MYOC: variants seen among roughly 807,000 people sequenced by gnomAD.
MYOC encodes myocilin.
A neutral mutation model predicts 28.2 loss-of-function variants in MYOC; 29 were observed. The observed-to-expected ratio is 1.03, with a 90% CI of 0.77 to 1.40. The LOEUF (loss-of-function observed/expected upper bound fraction) is 1.40, where lower values mean the gene tolerates loss of function less well. Among genes scored for constraint, MYOC ranks in the 40% most tolerant of loss-of-function variants. MYOC has a pLI of 0.00. For synonymous variants in MYOC, 240 were observed against 245.6 expected (o/e 0.98, Z 0.21); for missense variants, 569 against 620.6 (o/e 0.92, Z 0.88).
Position 171,635,982 on chromosome 1 carries a change from G to A in MYOC, c.1458C>T (p.Leu486=). 1 of 1,614,178 alleles carries A rather than the reference G, an allele frequency of 6.2e-7. No individual in the cohort carries two copies. Among genetic ancestry groups the A allele is most frequent in the Non-Finnish European group, 8.5e-7 (1 of 1,180,026 alleles). ...CCATGTTCAAGTTGTCCCAGGCAAA[G>A]AGCTTCTTCTCCAGGGGGTTGTAGT... ...MIDYNPLEKK[L]FAWDNLNMVT... The change falls in exon 3 of 3, where the codon CTC becomes CTT. Residue 486 remains leucine (L), a synonymous_variant. Transcript: ENST00000037502.
intron 1 of MYOC, 188 bp from the exon 2 acceptor site, chr1:171,638,910 A>G: frequency 1.9e-6 from 1 of 527,270 alleles, no homozygotes; most frequent in Non-Finnish European, 3.4e-6. Context: ...CCTGGCCAAC[A>G]TGGTGAAACC....
At chr1:171,644,298 C>T (rs938882678) in intron 1 of MYOC, among the ~76,000 whole-genome samples, 1 of 150,674 alleles carries the variant, frequency 6.6e-6, no homozygotes, top group African/African-American at 2.4e-5. Flanking sequence ...ATATTAAATT[C>T]AGGCGAGCCA....
Position 171,635,820 on chromosome 1 carries a change from G to C in MYOC, c.*105C>G, listed in dbSNP as rs1652904122. 38 of 1,246,324 alleles carry C rather than the reference G, an allele frequency of 3.0e-5. No homozygotes were observed. In the South Asian group the frequency reaches 4.6e-4, roughly 15 times the overall value. The allele number at this position is 1,246,324 out of a possible 1,614,324, so 77.2% of individuals were successfully genotyped here. ...TGGATTAATGAAAACTTGGAAAGCA[G>C]TCAAAGCTGCCTGGGCCCTGGCTGG... On this transcript the variant is annotated 3_prime_UTR_variant, in exon 3 of 3. Transcript: ENST00000037502.
intron 1 of MYOC, among the ~76,000 whole-genome samples, chr1:171,642,197 C>T (rs1271870717): frequency 6.6e-6 from 1 of 152,234 alleles, no homozygotes; most frequent in Non-Finnish European, 1.5e-5. Flanking sequence ...CTCTCCTCTC[C>T]ACCCCTGCCT....
intron 2 of MYOC, among the ~76,000 whole-genome samples, chr1:171,637,845 T>G (rs907985148): frequency 6.6e-6 from 1 of 152,124 alleles, no homozygotes; most frequent in African/African-American, 2.4e-5. Context: ...ACTCCTGACC[T>G]CAAGTGATCC....
At position 171,650,163 on chromosome 1, in the gene MYOC, G is replaced by GA. The variant is rs911489614; in HGVS notation, c.604+1844dup. 3.0e-3 allele frequency among the ~76,000 whole-genome samples: 445 copies of GA among 149,686 alleles called. 2 individuals carry two copies. Among genetic ancestry groups the GA allele is most frequent in the South Asian group, 0.012 (58 of 4,754 alleles). On this transcript the variant is annotated intron_variant, in intron 1 of 2. Coordinates refer to ENST00000037502, the MANE Select transcript of MYOC (RefSeq NM_000261.2). ...AAAGACTTGTTAAATGACCACAAAA[G>GA]AAAAAAAAAGGCAAAACATTGCCAC...
chr1:171,637,959 T>C (rs912055150), intron 2 of MYOC, among the ~76,000 whole-genome samples: 1 of 152,156 alleles, frequency 6.6e-6, no homozygotes, highest in African/African-American at 2.4e-5. Flanking sequence ...TCATAGAAGG[T>C]AGAAACACTT....
chr1:171,643,410 C>T (rs1344610935), intron 1 of MYOC: 4 of 152,370 alleles, frequency 2.6e-5, no homozygotes, highest in Admixed American at 2.0e-4. Flanking sequence ...TGCTGCCTCG[C>T]CGATTGCCAT....
intron 1 of MYOC, among the ~76,000 whole-genome samples, chr1:171,650,317 T>G (rs1325472867): frequency 6.6e-6 from 1 of 152,208 alleles, no homozygotes; most frequent in Non-Finnish European, 1.5e-5. Context: ...GTAATGATGA[T>G]TCTTTCAATT....
At chr1:171,642,589 G>A (rs766090591) in intron 1 of MYOC, among the ~76,000 whole-genome samples, 3 of 150,406 alleles carry the variant, frequency 2.0e-5, no homozygotes, top group African/African-American at 4.9e-5. Flanking sequence ...ACTCCAGTCT[G>A]GGTGACAGAG....
intron 1 of MYOC, among the ~76,000 whole-genome samples, chr1:171,639,166 G>A (rs905255504): frequency 1.3e-5 from 2 of 152,176 alleles, no homozygotes; most frequent in Non-Finnish European, 2.9e-5. Flanking sequence ...GATAAGGACT[G>A]GGGATGGGTT....
At position 171,651,994 on chromosome 1, in the gene MYOC, C is replaced by T. The variant is rs546124900; in HGVS notation, c.604+14G>A. On this transcript the variant is annotated intron_variant, in intron 1 of 2. Transcript: ENST00000037502. Reference sequence around the variant, plus strand: ...ACCTGCTGAACTCAGAGTCCCCCCACTCTGCATTCTTACCTTCTCTGGAGC... The same window carrying T: ...ACCTGCTGAACTCAGAGTCCCCCCATTCTGCATTCTTACCTTCTCTGGAGC... The T allele has an allele frequency of 1.4e-5, 22 of 1,614,226 alleles. No homozygotes were observed. In the African/African-American group the frequency reaches 2.8e-4, roughly 21 times the overall value.
chr1:171,648,088 C>T (rs1001338257), intron 1 of MYOC, among the ~76,000 whole-genome samples: 9 of 151,568 alleles, frequency 5.9e-5, no homozygotes, highest in Admixed American at 4.6e-4. Context: ...ACTCGGGAGG[C>T]TGAGGCAGGA....
At position 171,638,675 on chromosome 1, in the gene MYOC, C is replaced by T. The variant is rs200547613; in HGVS notation, c.652G>A (p.Glu218Lys). Reference sequence around the variant, plus strand: ...CGGGAAGCAGGAACTTCAGTTAGCTCGGACTTCAGTTCCTGGAAGGCCAAA... The same window carrying T: ...CGGGAAGCAGGAACTTCAGTTAGCTTGGACTTCAGTTCCTGGAAGGCCAAA... ...DTLAFQELKS[E>K]LTEVPASRIL... The change falls in exon 2 of 3, where the codon GAG becomes AAG. Residue 218 changes from glutamate (E) to lysine (K), a missense_variant. Glu to Lys is a moderately conservative substitution (Grantham distance 56). Coordinates refer to ENST00000037502, the MANE Select transcript of MYOC (RefSeq NM_000261.2). 37 of 1,614,130 alleles carry T rather than the reference C, an allele frequency of 2.3e-5. No individual in the cohort carries two copies. The highest frequency in any genetic ancestry group is 3.3e-5 in the South Asian group (3 of 91,076).
intron 1 of MYOC, among the ~76,000 whole-genome samples, chr1:171,647,525 AAAAAC>A (rs1174811800): frequency 6.6e-6 from 1 of 151,852 alleles, no homozygotes; most frequent in Non-Finnish European, 1.5e-5. Flanking sequence ...TCCATCTTCA[AAAAAC>A]AAAACAAAAC....
chr1:171,636,342 G>A lies in MYOC; in HGVS notation c.1098C>T (p.His366=), dbSNP rs144386835. ...CACCCCAAGAATACGGGAACTGTCC[G>A]TGGTAGCCAGCTCCAGGGATTTCCT... ...AEKEIPGAGY[H]GQFPYSWGGY... The change falls in exon 3 of 3, where the codon CAC becomes CAT. Residue 366 remains histidine (H), a synonymous_variant. Transcript: ENST00000037502. 22 of 1,613,946 alleles carry A rather than the reference G, an allele frequency of 1.4e-5. No individual in the cohort carries two copies. Among genetic ancestry groups the A allele is most frequent in the East Asian group, 6.7e-5 (3 of 44,876 alleles).
intron 1 of MYOC, among the ~76,000 whole-genome samples, chr1:171,650,643 G>T (rs1479052243): frequency 6.6e-6 from 1 of 152,126 alleles, no homozygotes; most frequent in East Asian, 1.9e-4. Flanking sequence ...GCTATGAAGA[G>T]CTTGCCTTTC....
intron 1 of MYOC, among the ~76,000 whole-genome samples, chr1:171,650,855 A>G (rs143742242): frequency 6.6e-6 from 1 of 152,256 alleles, no homozygotes; most frequent in African/African-American, 2.4e-5. Flanking sequence ...TTCTTCAACC[A>G]TTTGAGAGCA....
rs773733798 is a variant in MYOC, at chr1:171,652,106, C to T, written c.506G>A (p.Arg169Lys). Residue 169 changes from arginine (R) to lysine (K), a missense_variant, in exon 1 of 3, where the codon AGG becomes AAG. Physicochemically the swap from Arg to Lys is conservative, Grantham distance 26. Coordinates refer to ENST00000037502, the MANE Select transcript of MYOC (RefSeq NM_000261.2). ...TACCTCCTGGCTGCTGCTTTCCAAC[C>T]TCCTGGCCAGATTCTCATTTTCTTG... ...LRQENENLAR[R>K]LESSSQEVAR... 4.3e-6 allele frequency: 7 copies of T among 1,614,192 alleles called. No individual in the cohort carries two copies. Among genetic ancestry groups the T allele is most frequent in the Non-Finnish European group, 5.9e-6 (7 of 1,180,026 alleles).
Sources: gnomAD v4.1 joint callset for allele counts (sites outside exome capture counted in the v4.1 genomes callset) on GRCh38, gnomAD v4.1.1 for gene constraint, MANE v1.5 for transcripts, NCBI Gene and HGNC (gene_info 2026-07-23, HGNC 2026-07-21) for gene names.